Variants in RALYL observed in about 807,000 individuals in gnomAD.
RALYL encodes the protein RNA-binding Raly-like protein.
In RALYL, 29 loss-of-function variants were observed where a neutral mutation model predicts 35.1. The observed-to-expected ratio is 0.83, with a 90% confidence interval of 0.61 to 1.13. The LOEUF is 1.13. Ranked by LOEUF, RALYL falls within the 50% of genes most tolerant of loss-of-function variation. The pLI is 0.00. For synonymous variants in RALYL, 120 were observed against 127.6 expected, an observed-to-expected ratio of 0.94 and a Z score of 0.40; for missense variants, 359 against 360.4, an observed-to-expected ratio of 1.00 and a Z score of 0.03.
chr8:84,281,353 G>C (rs1321057858), intron 1 of RALYL, among the ~76,000 whole-genome samples: 2 of 152,116 alleles, frequency 1.3e-5, no homozygotes, highest in African/African-American at 4.8e-5. Flanking sequence ...AATTGAGATG[G>C]AGTATTTTAT....
intron 8 of RALYL, among the ~76,000 whole-genome samples, chr8:84,900,657 C>T (rs1845526453): frequency 6.6e-6 from 1 of 151,300 alleles, no homozygotes; most frequent in South Asian, 2.1e-4. Context: ...CCAGCCTGGG[C>T]AACAAGAGCG....
intron 2 of RALYL, among the ~76,000 whole-genome samples, chr8:84,537,544 T>C (rs1453408205): frequency 6.6e-6 from 1 of 150,544 alleles, no homozygotes; most frequent in Non-Finnish European, 1.5e-5. Context: ...TGAGTGGGAG[T>C]GTGAAAAATT....
intron 1 of RALYL, among the ~76,000 whole-genome samples, chr8:84,306,218 G>C (rs1841768912): frequency 6.6e-6 from 1 of 151,518 alleles, no homozygotes; most frequent in Admixed American, 6.6e-5. Context: ...TATTCTAATA[G>C]TGTTCAAAAT....
At chr8:84,852,047 A>T (rs879662285) in intron 5 of RALYL, among the ~76,000 whole-genome samples, 1 of 152,232 alleles carries the variant, frequency 6.6e-6, no homozygotes, top group Non-Finnish European at 1.5e-5. Flanking sequence ...TTAGAGACAC[A>T]GTCATTTTCC....
rs139394561 is a variant in RALYL at position 84,900,440 on chromosome 8, G to T, written c.858+12664G>T. Among the ~76,000 whole-genome samples the T allele has an allele frequency of 1.9e-3, 284 of 152,236 alleles. 3 individuals carry two copies. Among genetic ancestry groups the T allele is most frequent in the African/African-American group, 6.7e-3 (278 of 41,542 alleles). On this transcript the variant is annotated intron_variant, in intron 8 of 8. Coordinates refer to ENST00000521268, the MANE Select transcript of RALYL (RefSeq NM_173848.7). ...GTCTGTAATTCCAACACTTTGGAAGGCCGAGGCAGGCAGATCACCTGAGGT... is the reference window on the plus strand; with the variant it reads ...GTCTGTAATTCCAACACTTTGGAAGTCCGAGGCAGGCAGATCACCTGAGGT...
At chr8:84,759,295 A>G (rs1356168754) in intron 2 of RALYL, among the ~76,000 whole-genome samples, 2 of 152,110 alleles carry the variant, frequency 1.3e-5, no homozygotes, top group African/African-American at 4.8e-5. Context: ...TCTTTCTACT[A>G]CAGTTGTCAA....
At chr8:84,606,766 T>C (rs1445828584) in intron 2 of RALYL, among the ~76,000 whole-genome samples, 2 of 152,032 alleles carry the variant, frequency 1.3e-5, no homozygotes, top group African/African-American at 4.8e-5. Flanking sequence ...AATGAATGTT[T>C]TTTGAAAACT....
intron 2 of RALYL, among the ~76,000 whole-genome samples, chr8:84,719,704 G>A (rs927518772): frequency 6.6e-6 from 1 of 152,048 alleles, no homozygotes; most frequent in South Asian, 2.1e-4. Flanking sequence ...ATGGGTTACA[G>A]TGAGATGTTT....
intron 1 of RALYL, among the ~76,000 whole-genome samples, chr8:84,366,486 G>T (rs1003889433): frequency 2.0e-5 from 3 of 152,084 alleles, no homozygotes; most frequent in Non-Finnish European, 4.4e-5. Context: ...ATGTTTAAAA[G>T]GTGGCTGGAG....
chr8:84,416,334 G>A (rs924777106), intron 1 of RALYL, among the ~76,000 whole-genome samples: 2 of 152,196 alleles, frequency 1.3e-5, no homozygotes, highest in African/African-American at 4.8e-5. Flanking sequence ...TGTGGTGAGT[G>A]CAATAATCCA....
intron 4 of RALYL, among the ~76,000 whole-genome samples, chr8:84,830,834 C>T (rs1397645654): frequency 1.3e-5 from 2 of 151,760 alleles, no homozygotes; most frequent in African/African-American, 4.8e-5. Flanking sequence ...TAATAATATT[C>T]AGAAGGAAAG....
intron 1 of RALYL, among the ~76,000 whole-genome samples, chr8:84,517,866 A>G (rs2058178613): frequency 6.6e-6 from 1 of 152,270 alleles, no homozygotes; most frequent in South Asian, 2.1e-4. Context: ...AATTTCTTAA[A>G]AATCATATTC....
At chr8:84,532,757 T>C in intron 2 of RALYL, among the ~76,000 whole-genome samples, 1 of 152,082 alleles carries the variant, frequency 6.6e-6, no homozygotes, top group Non-Finnish European at 1.5e-5. Context: ...TATTTATATA[T>C]GATTTAGAGA....
chr8:84,900,171 G>T (rs1587077990), intron 8 of RALYL, among the ~76,000 whole-genome samples: 1 of 152,120 alleles, frequency 6.6e-6, no homozygotes, highest in Non-Finnish European at 1.5e-5. Flanking sequence ...AACACAGGGG[G>T]AAGAGAACAG....
intron 1 of RALYL, among the ~76,000 whole-genome samples, chr8:84,468,746 C>T (rs1448285172): frequency 6.6e-6 from 1 of 151,624 alleles, no homozygotes; most frequent in Non-Finnish European, 1.5e-5. Context: ...TGTTTTCCAA[C>T]TTGGTTCCAT....
intron 2 of RALYL, among the ~76,000 whole-genome samples, chr8:84,756,777 G>T (rs1226314474): frequency 7.2e-6 from 1 of 138,832 alleles, no homozygotes; most frequent in South Asian, 2.2e-4. Context: ...GTTGTAAAAG[G>T]TGTTTTTTTT....
intron 2 of RALYL, among the ~76,000 whole-genome samples, chr8:84,762,706 A>G (rs1489219952): frequency 6.6e-6 from 1 of 152,136 alleles, no homozygotes; most frequent in Non-Finnish European, 1.5e-5. Context: ...CTGAACTTCA[A>G]TATCTATAAC....
intron 2 of RALYL, among the ~76,000 whole-genome samples, chr8:84,535,474 C>T (rs1013770684): frequency 1.4e-5 from 2 of 144,300 alleles, no homozygotes; most frequent in Non-Finnish European, 3.0e-5. Flanking sequence ...CTCGCTCTGT[C>T]GCCCAGGCTG....
intron 1 of RALYL, among the ~76,000 whole-genome samples, chr8:84,499,761 AT>A (rs2056466962): frequency 6.6e-6 from 1 of 152,068 alleles, no homozygotes; most frequent in Non-Finnish European, 1.5e-5. Context: ...GTGATTATTT[AT>A]TTATTTATTT....
Sources: gnomAD v4.1 joint callset for allele counts (sites outside exome capture counted in the v4.1 genomes callset) on GRCh38, gnomAD v4.1.1 for gene constraint, MANE v1.5 for transcripts, NCBI Gene and HGNC (gene_info 2026-07-23, HGNC 2026-07-21) for gene names.